Variants in WDPCP observed in about 807,000 individuals in gnomAD.
WDPCP encodes WD repeat-containing and planar cell polarity effector protein fritz homolog.
WDPCP carries 71 observed loss-of-function variants against 93.1 expected under a neutral mutation model. The observed-to-expected ratio is 0.76, with a 90% CI of 0.63 to 0.93. The LOEUF is 0.93. Ranked by LOEUF, WDPCP falls within the 40% of genes least tolerant of loss-of-function variation. WDPCP has a pLI of 0.00. For missense variants in WDPCP, 844 were observed against 887.4 expected (o/e 0.95, Z 0.62); for synonymous variants, 315 against 315.0 (o/e 1.00, Z 0.00).
chr2:63,632,057 G>A (rs894412693), intron 3 of WDPCP, among the ~76,000 whole-genome samples: 9 of 152,190 alleles, frequency 5.9e-5, no homozygotes, highest in African/African-American at 1.7e-4. Flanking sequence ...CCCTGCAATC[G>A]TTACTGATGA....
intron 10 of WDPCP, among the ~76,000 whole-genome samples, chr2:63,401,987 G>A (rs995858745): frequency 2.6e-5 from 4 of 151,984 alleles, no homozygotes; most frequent in Admixed American, 2.0e-4. Context: ...ATACCCAAAG[G>A]AATATAAATC....
At chr2:63,567,255 C>A (rs1177377165) in intron 1 of WDPCP, among the ~76,000 whole-genome samples, 2 of 152,124 alleles carry the variant, frequency 1.3e-5, no homozygotes, top group African/African-American at 4.8e-5. Flanking sequence ...AAATTCAAAC[C>A]CTATCCTTCC....
At chr2:63,323,351 A>G (rs1352764783) in intron 12 of WDPCP, among the ~76,000 whole-genome samples, 1 of 152,106 alleles carries the variant, frequency 6.6e-6, no homozygotes, top group East Asian at 1.9e-4. Flanking sequence ...GGATTCTGTT[A>G]CCTTCTGTAG....
rs1575683412 is a variant in WDPCP, at chr2:63,575,463, A to ACACTGTATATACAGCG, written c.75+12733_75+12734insCGCTGTATATACAGTG. Among the ~76,000 whole-genome samples, 5 of 29,152 alleles carry ACACTGTATATACAGCG rather than the reference A, an allele frequency of 1.7e-4. 1 individual carries two copies. Among genetic ancestry groups the ACACTGTATATACAGCG allele is most frequent in the African/African-American group, 4.2e-4 (2 of 4,768 alleles). 19.1% of individuals were successfully genotyped at this position (29,152 alleles called of 152,430 possible). ...AGTGTATACACTGTATATACAGTAT[A>ACACTGTATATACAGCG]TATGCAGTATATACAGTGTATATAT... On this transcript the variant is annotated intron_variant, in intron 1 of 17. Transcript: ENST00000272321.
In WDPCP at chr2:63,336,926, G is replaced by A. The variant is rs544646366; in HGVS notation, c.1749-23615C>T. ...TTTTTTTTTTTTGAGACAGAGTCTC[G>A]CTCTGTCACCAGGTTGGAGTGCAGT... On this transcript the variant is annotated intron_variant, in intron 12 of 17. Coordinates refer to ENST00000272321, the MANE Select transcript of WDPCP (RefSeq NM_015910.7). Among the ~76,000 whole-genome samples, 14 of 115,788 alleles carry A rather than the reference G, an allele frequency of 1.2e-4. No homozygotes were observed. The South Asian group carries it at 2.2e-3, about 18-fold the overall frequency. 76.0% of individuals were successfully genotyped at this position (115,788 alleles called of 152,430 possible).
intron 8 of WDPCP, among the ~76,000 whole-genome samples, chr2:63,435,218 T>C (rs573461573): frequency 1.3e-5 from 2 of 152,258 alleles, no homozygotes; most frequent in South Asian, 4.1e-4. Context: ...GGAAAACTTG[T>C]TAAAGGTCAA....
intron 3 of WDPCP, among the ~76,000 whole-genome samples, chr2:63,628,764 G>A (rs1709835572): frequency 6.6e-6 from 1 of 152,162 alleles, no homozygotes; most frequent in East Asian, 1.9e-4. Context: ...AATCACAGGG[G>A]TCTGAGAGAA....
At chr2:63,294,252 C>T (rs1278239396) in intron 13 of WDPCP, among the ~76,000 whole-genome samples, 1 of 152,080 alleles carries the variant, frequency 6.6e-6, no homozygotes, top group Non-Finnish European at 1.5e-5. Flanking sequence ...GCCTGTAATC[C>T]CCACACTTTG....
intron 14 of WDPCP, among the ~76,000 whole-genome samples, chr2:63,183,305 C>T (rs191295455): frequency 6.6e-6 from 1 of 151,888 alleles, no homozygotes; most frequent in African/African-American, 2.4e-5. Context: ...TTTGCTGTAT[C>T]CCAGAGGTTT....
intron 14 of WDPCP, among the ~76,000 whole-genome samples, chr2:63,187,718 T>C (rs1674741885): frequency 6.6e-6 from 1 of 152,236 alleles, no homozygotes; most frequent in South Asian, 2.1e-4. Flanking sequence ...TCATTTAGAC[T>C]TGTATATACA....
chr2:63,515,336 C>T (rs898806387), intron 1 of WDPCP, among the ~76,000 whole-genome samples: 4 of 152,118 alleles, frequency 2.6e-5, no homozygotes, highest in African/African-American at 9.7e-5. Context: ...AAATTGATAT[C>T]TGAACATGAT....
intron 3 of WDPCP, among the ~76,000 whole-genome samples, chr2:63,630,570 G>T (rs1421611135): frequency 6.6e-6 from 1 of 152,036 alleles, no homozygotes; most frequent in African/African-American, 2.4e-5. Flanking sequence ...CCACCAAGAA[G>T]ACATAGCAAT....
At chr2:63,594,960 G>A (rs188696371) in intron 3 of WDPCP, 144 of 245,698 alleles carry the variant, frequency 5.9e-4, no homozygotes, top group African/African-American at 2.8e-3. Flanking sequence ...CTGCTTCCCC[G>A]CTGAAGCAGG....
chr2:63,143,721 ATTC>A (rs763923122), intron 17 of WDPCP, among the ~76,000 whole-genome samples: 1 of 152,198 alleles, frequency 6.6e-6, no homozygotes, highest in Non-Finnish European at 1.5e-5. Context: ...TGGATACTAA[ATTC>A]TTGGCTGATA....
rs572697587 is a variant in WDPCP, at chr2:63,544,822, G to A, written c.75+43375C>T. On this transcript the variant is annotated intron_variant, in intron 1 of 17. Coordinates refer to ENST00000272321, the MANE Select transcript of WDPCP (RefSeq NM_015910.7). Reference sequence around the variant, plus strand: ...GTGTTGAGCAATAACTTTTTTAAATGTGCATCTGTGAATGATAAATTACCA... The same window carrying A: ...GTGTTGAGCAATAACTTTTTTAAATATGCATCTGTGAATGATAAATTACCA... Among the ~76,000 whole-genome samples the A allele has an allele frequency of 8.1e-4, 124 of 152,176 alleles. No homozygotes were observed. The Middle Eastern group carries it at 0.01, about 13-fold the overall frequency.
chr2:63,345,521 G>A (rs1397386949), intron 12 of WDPCP, among the ~76,000 whole-genome samples: 3 of 152,116 alleles, frequency 2.0e-5, no homozygotes, highest in Non-Finnish European at 4.4e-5. Flanking sequence ...GCTATTTACA[G>A]GTAATGACTA....
intron 1 of WDPCP, among the ~76,000 whole-genome samples, chr2:63,502,263 T>C (rs963077896): frequency 1.3e-5 from 2 of 152,232 alleles, no homozygotes; most frequent in Non-Finnish European, 2.9e-5. Context: ...AGCCACAATA[T>C]GTTCAATTGA....
intron 13 of WDPCP, among the ~76,000 whole-genome samples, chr2:63,293,068 C>A (rs1477184839): frequency 1.3e-5 from 2 of 152,120 alleles, no homozygotes; most frequent in Non-Finnish European, 2.9e-5. Flanking sequence ...GGAGGCAGGG[C>A]ACCTGACCCC....
At chr2:63,700,919 G>T (rs1308564899) in intron 2 of WDPCP, among the ~76,000 whole-genome samples, 3 of 152,130 alleles carry the variant, frequency 2.0e-5, no homozygotes. Context: ...GAAACTACTA[G>T]AAGAAAACAT....
Sources: gnomAD v4.1 joint callset for allele counts (sites outside exome capture counted in the v4.1 genomes callset) on GRCh38, gnomAD v4.1.1 for gene constraint, MANE v1.5 for transcripts, NCBI Gene and HGNC (gene_info 2026-07-23, HGNC 2026-07-21) for gene names.